The following OTUD3 variants were observed in gnomAD, a reference collection of about 807,000 sequenced individuals.
The protein encoded by OTUD3 is OTU domain-containing protein 3.
In OTUD3, 24 loss-of-function variants were observed where a neutral mutation model predicts 46.2. That is an observed-to-expected ratio of 0.52 (90% confidence interval 0.38 to 0.73). OTUD3 has a LOEUF of 0.73. Among genes scored for constraint, OTUD3 ranks in the 30% least tolerant of loss-of-function variants. The pLI, the probability that OTUD3 is intolerant of heterozygous loss-of-function variation, is 0.00. For synonymous variants in OTUD3, 189 were observed against 195.4 expected (o/e 0.97, Z 0.27); for missense variants, 455 against 523.3 (o/e 0.87, Z 1.27).
Position 19,904,250 on chromosome 1 carries a change from T to G in OTUD3, c.607-17T>G. On this transcript the variant is annotated splice_polypyrimidine_tract_variant and intron_variant, in intron 4 of 7. Coordinates refer to ENST00000375120, the MANE Select transcript of OTUD3 (RefSeq NM_015207.2). ...GATTCTCAACATAGTTCCCTGATTA[T>G]TACTTGTTTCCTTTAGTTTCAGATG... 1 of 1,577,954 alleles carries G rather than the reference T, an allele frequency of 6.3e-7. No individual in the cohort carries two copies. Among genetic ancestry groups the G allele is most frequent in the Non-Finnish European group, 8.6e-7 (1 of 1,162,326 alleles).
At position 19,912,061 on chromosome 1, in the gene OTUD3, C is replaced by A. The variant is rs1291303875; in HGVS notation, c.*4315C>A. ...CCTTGCAGAATTACTTGAGAAGGGGCTGGTACCAGTGTAAAGAATCTATTT... is the reference window on the plus strand; with the variant it reads ...CCTTGCAGAATTACTTGAGAAGGGGATGGTACCAGTGTAAAGAATCTATTT... On this transcript the variant is annotated 3_prime_UTR_variant, in exon 8 of 8. Coordinates refer to ENST00000375120, the MANE Select transcript of OTUD3 (RefSeq NM_015207.2). 6.6e-6 allele frequency: 1 copy of A among 152,354 alleles called. No individual in the cohort carries two copies. The highest frequency in any genetic ancestry group is 1.5e-5 in the Non-Finnish European group (1 of 68,054). The allele number at this position is 152,354 out of a possible 1,614,324, so 9.4% of individuals were successfully genotyped here. A position where few individuals can be genotyped will look rare whatever the true frequency, so the allele number is the denominator to read the frequency against.
At chr1:19,883,097 AAC>A (rs977112434) in intron 1 of OTUD3, among the ~76,000 whole-genome samples, 4 of 152,234 alleles carry the variant, frequency 2.6e-5, no homozygotes, top group Admixed American at 6.5e-5. Flanking sequence ...GCATTGGAAA[AAC>A]AGTTATCATG....
At chr1:19,885,305 T>A (rs2045342067) in intron 1 of OTUD3, among the ~76,000 whole-genome samples, 1 of 152,210 alleles carries the variant, frequency 6.6e-6, no homozygotes, top group Non-Finnish European at 1.5e-5. Flanking sequence ...AACCACCTTC[T>A]GTTCACAAGT....
At chr1:19,906,289 C>A in intron 6 of OTUD3, 143 bp from the exon 7 acceptor site, 1 of 648,650 alleles carries the variant, frequency 1.5e-6, no homozygotes, top group Non-Finnish European at 2.5e-6. Flanking sequence ...TTCCCACTGT[C>A]TTGACATTCG....
At chr1:19,900,356 A>G (rs1361182650) in intron 4 of OTUD3, among the ~76,000 whole-genome samples, 1 of 151,982 alleles carries the variant, frequency 6.6e-6, no homozygotes, top group African/African-American at 2.4e-5. Context: ...ATGCCTGGCT[A>G]ATTTTTTATT....
At chr1:19,907,531 C>G (rs1486508457) in intron 7 of OTUD3, 39 bp from the exon 8 acceptor site, 1 of 1,602,666 alleles carries the variant, frequency 6.2e-7, no homozygotes, top group Non-Finnish European at 8.5e-7. Context: ...GCTTGAGTCC[C>G]CCGTGCTTCC....
rs2045688866 is a variant in OTUD3 at position 19,908,152 on chromosome 1, C to G, written c.*406C>G. On this transcript the variant is annotated 3_prime_UTR_variant, in exon 8 of 8. Coordinates refer to ENST00000375120, the MANE Select transcript of OTUD3 (RefSeq NM_015207.2). ...TAGTTTAGAATAATTGTTAGAAATT[C>G]AGAATGACAAGTTTCCTTAGTTTCT... 1 of 155,114 alleles carries G rather than the reference C, an allele frequency of 6.4e-6. No individual in the cohort carries two copies. 9.6% of individuals were successfully genotyped at this position (155,114 alleles called of 1,614,324 possible).
Position 19,882,482 on chromosome 1 carries a change from C to T in OTUD3, c.-32C>T, listed in dbSNP as rs1324693128. 1.1e-5 allele frequency: 15 copies of T among 1,345,546 alleles called. No individual in the cohort carries two copies. The highest frequency in any genetic ancestry group is 4.6e-5 in the African/African-American group (3 of 65,426). 83.4% of individuals were successfully genotyped at this position (1,345,546 alleles called of 1,614,324 possible). ...GACGCTGGGGGGTCCTGCGCCTTTCCCTCCTGCCGCTGGGGACTGCAGGCT... is the reference window on the plus strand; with the variant it reads ...GACGCTGGGGGGTCCTGCGCCTTTCTCTCCTGCCGCTGGGGACTGCAGGCT... On this transcript the variant is annotated 5_prime_UTR_variant, in exon 1 of 8. Coordinates refer to ENST00000375120, the MANE Select transcript of OTUD3 (RefSeq NM_015207.2).
intron 6 of OTUD3, among the ~76,000 whole-genome samples, chr1:19,905,189 G>A (rs1444011277): frequency 6.6e-6 from 1 of 152,106 alleles, no homozygotes; most frequent in African/African-American, 2.4e-5. Context: ...GGTAGAGGGT[G>A]GATAGTGGAG....
chr1:19,891,547 G>A (rs1249144661), intron 2 of OTUD3, among the ~76,000 whole-genome samples: 1 of 152,132 alleles, frequency 6.6e-6, no homozygotes, highest in Non-Finnish European at 1.5e-5. Context: ...AGGATAATGA[G>A]TAAGGCCCAA....
chr1:19,904,810 A>G, intron 5 of OTUD3, 81 bp from the exon 6 acceptor site: 2 of 708,084 alleles, frequency 2.8e-6, no homozygotes, highest in South Asian at 3.5e-5. Flanking sequence ...CTTTATGTTT[A>G]TGATTATTGA....
intron 6 of OTUD3, among the ~76,000 whole-genome samples, chr1:19,906,096 C>T (rs1458050875): frequency 1.3e-5 from 2 of 152,212 alleles, no homozygotes; most frequent in Non-Finnish European, 2.9e-5. Flanking sequence ...TTGGACAGCA[C>T]AGCTTTAGAG....
In OTUD3 at chr1:19,882,464, G is replaced by C. The variant is rs1369864781; in HGVS notation, c.-50G>C. 11 of 1,329,794 alleles carry C rather than the reference G, an allele frequency of 8.3e-6. No homozygotes were observed. In the South Asian group the frequency reaches 1.0e-4, roughly 12 times the overall value. The allele number at this position is 1,329,794 out of a possible 1,614,324, so 82.4% of individuals were successfully genotyped here. ...TTCCCAACGCTTGAGGCGGACGCTGGGGGGTCCTGCGCCTTTCCCTCCTGC... is the reference window on the plus strand; with the variant it reads ...TTCCCAACGCTTGAGGCGGACGCTGCGGGGTCCTGCGCCTTTCCCTCCTGC... On this transcript the variant is annotated 5_prime_UTR_variant, in exon 1 of 8. Coordinates refer to ENST00000375120, the MANE Select transcript of OTUD3 (RefSeq NM_015207.2).
chr1:19,890,593 C>T, intron 2 of OTUD3, 60 bp downstream of exon 2: 1 of 1,413,900 alleles, frequency 7.1e-7, no homozygotes, highest in East Asian at 2.3e-5. Context: ...ATTAAGTCCA[C>T]TGGCATCCTC....
chr1:19,891,228 G>C (rs1396443567), intron 2 of OTUD3, among the ~76,000 whole-genome samples: 1 of 152,132 alleles, frequency 6.6e-6, no homozygotes, highest in Non-Finnish European at 1.5e-5. Flanking sequence ...ATTTTAATTG[G>C]TTCCTATTTA....
intron 3 of OTUD3, among the ~76,000 whole-genome samples, chr1:19,896,381 A>AT (rs373456794): frequency 5.4e-5 from 8 of 146,920 alleles, no homozygotes; most frequent in Middle Eastern, 3.6e-3. Flanking sequence ...ATATATATAT[A>AT]TATTATTATT....
Position 19,897,653 on chromosome 1 carries a change from C to T in OTUD3, c.597C>T (p.Leu199=), listed in dbSNP as rs1275807180. ...INDNSEAPAH[L]QTDFQMLHQD... ...ACAACTCAGAGGCACCTGCACATCT[C>T]CAGACGGATGTGAGTGAGGCCTCGG... Residue 199 remains leucine, a synonymous_variant, in exon 4 of 8, where the codon CTC becomes CTT. Transcript: ENST00000375120. 1.2e-5 allele frequency: 20 copies of T among 1,613,076 alleles called. No individual in the cohort carries two copies. The highest frequency in any genetic ancestry group is 1.7e-5 in the Non-Finnish European group (20 of 1,179,556).
intron 4 of OTUD3, among the ~76,000 whole-genome samples, chr1:19,898,526 C>T (rs1404389317): frequency 6.6e-6 from 1 of 151,436 alleles, no homozygotes; most frequent in African/African-American, 2.4e-5. Flanking sequence ...GTCGGGAGTT[C>T]AAGACCAGCC....
At chr1:19,888,381 C>T (rs555742715) in intron 1 of OTUD3, among the ~76,000 whole-genome samples, 1 of 152,224 alleles carries the variant, frequency 6.6e-6, no homozygotes, top group East Asian at 1.9e-4. Context: ...TTATTGGGCT[C>T]ACCTAAGGAA....
Sources: allele counts gnomAD v4.1 joint callset (sites outside exome capture counted in the v4.1 genomes callset), GRCh38; gene constraint gnomAD v4.1.1; transcripts MANE v1.5; gene names NCBI Gene and HGNC (gene_info 2026-07-23, HGNC 2026-07-21).